Variants in TRAPPC12 observed in about 807,000 individuals in gnomAD.
The protein encoded by TRAPPC12 is TPR repeat protein 15.
In TRAPPC12, 61 loss-of-function variants were observed where a neutral mutation model predicts 69.2. The observed-to-expected ratio is 0.88, with a 90% CI of 0.72 to 1.09. The LOEUF (loss-of-function observed/expected upper bound fraction) is 1.09, where lower values mean the gene tolerates loss of function less well. TRAPPC12 is among the 50% of genes least tolerant of loss of function. TRAPPC12 has a pLI of 0.00. For missense variants in TRAPPC12, 1,101 were observed against 1,016.4 expected, an observed-to-expected ratio of 1.08 and a Z score of -1.13; for synonymous variants, 469 against 438.9, an observed-to-expected ratio of 1.07 and a Z score of -0.86.
At chr2:3,475,820 G>A (rs1012556478) in intron 9 of TRAPPC12, among the ~76,000 whole-genome samples, 3 of 152,196 alleles carry the variant, frequency 2.0e-5, no homozygotes, top group South Asian at 2.1e-4. Flanking sequence ...TCTAGAAAGC[G>A]AAGCTAGCGA....
intron 6 of TRAPPC12, among the ~76,000 whole-genome samples, chr2:3,449,678 T>C (rs943485631): frequency 1.3e-5 from 2 of 152,156 alleles, no homozygotes; most frequent in African/African-American, 4.8e-5. Context: ...GTTAGAAACA[T>C]AAGTGAGAAC....
chr2:3,419,208 C>T (rs575539549), intron 3 of TRAPPC12, among the ~76,000 whole-genome samples: 3 of 152,192 alleles, frequency 2.0e-5, no homozygotes, highest in African/African-American at 7.2e-5. Flanking sequence ...AGCCTTAGGC[C>T]TAGGGAACCA....
intron 3 of TRAPPC12, among the ~76,000 whole-genome samples, chr2:3,419,700 C>G (rs998163515): frequency 2.0e-5 from 3 of 152,058 alleles, no homozygotes; most frequent in Non-Finnish European, 4.4e-5. Flanking sequence ...TTGAGTTGCC[C>G]TGCTAATATT....
At position 3,449,673 on chromosome 2, in the gene TRAPPC12, A is replaced by G. The variant is rs576245732; in HGVS notation, c.1530+5782A>G. On this transcript the variant is annotated intron_variant, in intron 6 of 11. Transcript: ENST00000324266. Reference sequence around the variant, plus strand: ...TGTCTTATTTGTTAAGCAAAGTTAGAAACATAAGTGAGAACAGGCGTGGCT... The same window carrying G: ...TGTCTTATTTGTTAAGCAAAGTTAGGAACATAAGTGAGAACAGGCGTGGCT... 9.2e-5 allele frequency among the ~76,000 whole-genome samples: 14 copies of G among 152,286 alleles called. No homozygotes were observed. The South Asian group carries it at 2.1e-3, about 23-fold the overall frequency.
At chr2:3,434,824 T>G (rs1256678361) in intron 5 of TRAPPC12, among the ~76,000 whole-genome samples, 1 of 151,884 alleles carries the variant, frequency 6.6e-6, no homozygotes, top group Non-Finnish European at 1.5e-5. Context: ...CAAGGAGAGG[T>G]GGCAGCGTGA....
chr2:3,462,107 G>A (rs1469412799), intron 8 of TRAPPC12, among the ~76,000 whole-genome samples: 7 of 152,238 alleles, frequency 4.6e-5, no homozygotes, highest in Non-Finnish European at 8.8e-5. Flanking sequence ...TAATCATGGG[G>A]CTAAAACTCC....
intron 6 of TRAPPC12, among the ~76,000 whole-genome samples, chr2:3,453,087 G>A (rs1024306654): frequency 6.6e-6 from 1 of 152,182 alleles, no homozygotes; most frequent in Non-Finnish European, 1.5e-5. Flanking sequence ...TTGTCACTGC[G>A]GCACTTTGCT....
At chr2:3,405,881 T>A (rs999295944) in intron 3 of TRAPPC12, among the ~76,000 whole-genome samples, 2 of 152,206 alleles carry the variant, frequency 1.3e-5, no homozygotes, top group African/African-American at 4.8e-5. Context: ...TCCTAACCCA[T>A]GGCAGTGAAG....
intron 2 of TRAPPC12, among the ~76,000 whole-genome samples, chr2:3,399,837 A>T (rs1018432663): frequency 2.0e-5 from 3 of 150,342 alleles, no homozygotes; most frequent in Admixed American, 1.3e-4. Flanking sequence ...CCGCCAAAAA[A>T]AAAAGGGTAG....
At chr2:3,450,341 G>C (rs1664784964) in intron 6 of TRAPPC12, among the ~76,000 whole-genome samples, 1 of 152,196 alleles carries the variant, frequency 6.6e-6, no homozygotes, top group African/African-American at 2.4e-5. Flanking sequence ...TGTGATCTGA[G>C]TAGAAAGAAG....
intron 7 of TRAPPC12, chr2:3,458,409 G>A: frequency 5.1e-6 from 5 of 985,988 alleles, no homozygotes; most frequent in Non-Finnish European, 6.0e-6. Context: ...CACAGCTTCT[G>A]TCCTACTCGA....
At chr2:3,435,746 C>T (rs1044527178) in intron 5 of TRAPPC12, among the ~76,000 whole-genome samples, 11 of 152,152 alleles carry the variant, frequency 7.2e-5, no homozygotes, top group South Asian at 6.2e-4. Context: ...AGGTTTTAAA[C>T]GCCTGTGTGG....
chr2:3,425,226 C>T (rs960483354), intron 5 of TRAPPC12, among the ~76,000 whole-genome samples: 5 of 152,200 alleles, frequency 3.3e-5, no homozygotes, highest in Admixed American at 1.3e-4. Context: ...GGGCGGGTTA[C>T]GGAGAGCCTT....
chr2:3,418,404 A>G (rs1205490211), intron 3 of TRAPPC12, among the ~76,000 whole-genome samples: 1 of 152,172 alleles, frequency 6.6e-6, no homozygotes. Flanking sequence ...ATCAGACGCA[A>G]GCCACTCGCG....
intron 8 of TRAPPC12, among the ~76,000 whole-genome samples, chr2:3,465,116 G>GT (rs1665735957): frequency 6.6e-6 from 1 of 152,192 alleles, no homozygotes; most frequent in Non-Finnish European, 1.5e-5. Context: ...TTGTTTTGTG[G>GT]TTTTTCTTTA....
chr2:3,450,044 T>A (rs929640971), intron 6 of TRAPPC12, among the ~76,000 whole-genome samples: 1 of 152,082 alleles, frequency 6.6e-6, no homozygotes, highest in Admixed American at 6.5e-5. Flanking sequence ...TCCAGGGGAA[T>A]GTCTTGACCT....
chr2:3,408,012 CG>C (rs1188785883), intron 3 of TRAPPC12, among the ~76,000 whole-genome samples: 2 of 152,140 alleles, frequency 1.3e-5, no homozygotes, highest in Non-Finnish European at 2.9e-5. Flanking sequence ...TCCTCCTGGC[CG>C]GTCGTCCCCT....
At chr2:3,422,959 C>T (rs1662895612) in intron 4 of TRAPPC12, among the ~76,000 whole-genome samples, 1 of 152,272 alleles carries the variant, frequency 6.6e-6, no homozygotes, top group Non-Finnish European at 1.5e-5. Context: ...GAAAACTGTG[C>T]CCGGCGCAGT....
rs1662233113 is a variant in TRAPPC12 at position 3,414,497 on chromosome 2, C to G, written c.1165-7384C>G. On this transcript the variant is annotated intron_variant, in intron 3 of 11. Coordinates refer to ENST00000324266, the MANE Select transcript of TRAPPC12 (RefSeq NM_016030.6). The surrounding 1 kb of genome is among the most constrained non-coding windows in gnomAD (Gnocchi z 4.9). Reference sequence around the variant, plus strand: ...GGTCTGCCACTCTGGGGTCCAGCCTCTAGCTCCAGCTCCAGCTCAGCCTCA... The same window carrying G: ...GGTCTGCCACTCTGGGGTCCAGCCTGTAGCTCCAGCTCCAGCTCAGCCTCA... Among the ~76,000 whole-genome samples the G allele has an allele frequency of 1.3e-5, 2 of 152,120 alleles. No individual in the cohort carries two copies. The highest frequency in any genetic ancestry group is 1.3e-4 in the Admixed American group (2 of 15,276).
Sources: allele counts gnomAD v4.1 joint callset (sites outside exome capture counted in the v4.1 genomes callset), GRCh38; gene constraint gnomAD v4.1.1; non-coding constraint Gnocchi (gnomAD v3.1); transcripts MANE v1.5; gene names NCBI Gene and HGNC (gene_info 2026-07-23, HGNC 2026-07-21).